ANKS6: variants seen among roughly 807,000 people sequenced by gnomAD.
The protein encoded by ANKS6 is ankyrin repeat and sterile alpha motif domain containing 6.
ANKS6 carries 47 observed loss-of-function variants against 77.9 expected under a neutral mutation model. That is an observed-to-expected ratio of 0.60 (90% confidence interval 0.48 to 0.77). ANKS6 has a LOEUF of 0.77. Among genes scored for constraint, ANKS6 ranks in the 30% least tolerant of loss-of-function variants. ANKS6 has a pLI of 0.00. For synonymous variants in ANKS6, 488 were observed against 501.7 expected, an observed-to-expected ratio of 0.97 and a Z score of 0.37; for missense variants, 1,150 against 1,159.1, an observed-to-expected ratio of 0.99 and a Z score of 0.11.
chr9:98,781,340 T>C (rs1184461778), intron 5 of ANKS6, among the ~76,000 whole-genome samples: 3 of 152,144 alleles, frequency 2.0e-5, no homozygotes, highest in African/African-American at 7.2e-5. Flanking sequence ...TAAACGGCAG[T>C]GGAGGCTAGG....
rs147463684 is a variant in ANKS6, at chr9:98,759,988, C to T, written c.2143-3385G>A. On this transcript the variant is annotated intron_variant, in intron 11 of 14. Coordinates refer to ENST00000353234, the MANE Select transcript of ANKS6 (RefSeq NM_173551.5). ...GCTAGAAGGAGGATATTGAATCTTCCCAACACAAAGAAATAATAAATGTCT... is the reference window on the plus strand; with the variant it reads ...GCTAGAAGGAGGATATTGAATCTTCTCAACACAAAGAAATAATAAATGTCT... 2.0e-5 allele frequency among the ~76,000 whole-genome samples: 3 copies of T among 151,994 alleles called. No homozygotes were observed. The East Asian group carries it at 5.8e-4, about 29-fold the overall frequency.
At chr9:98,746,811 G>A (rs1266367761) in intron 13 of ANKS6, among the ~76,000 whole-genome samples, 3 of 152,132 alleles carry the variant, frequency 2.0e-5, no homozygotes, top group South Asian at 2.1e-4. Context: ...TCCCCAGTCC[G>A]GGCCCTTCCC....
chr9:98,738,568 C>CAA (rs1342888637), intron 14 of ANKS6, among the ~76,000 whole-genome samples: 21 of 115,984 alleles, frequency 1.8e-4, no homozygotes, highest in African/African-American at 6.3e-4. Context: ...ATGGCCATAA[C>CAA]AAAAAAATAA....
rs1835187295 is a variant in ANKS6 at position 98,796,507 on chromosome 9, C to G, written c.-16G>C. Reference sequence around the variant, plus strand: ...CCTCGCCCATCGCCGCCGCCACGCGCGGCCCGCTCCCGTCCGCCCCGCCGG... The same window carrying G: ...CCTCGCCCATCGCCGCCGCCACGCGGGGCCCGCTCCCGTCCGCCCCGCCGG... On this transcript the variant is annotated 5_prime_UTR_variant, in exon 1 of 15. Coordinates refer to ENST00000353234, the MANE Select transcript of ANKS6 (RefSeq NM_173551.5). 2 of 986,678 alleles carry G rather than the reference C, an allele frequency of 2.0e-6. No homozygotes were observed. Among genetic ancestry groups the G allele is most frequent in the East Asian group, 1.1e-4 (1 of 8,978 alleles). The allele number at this position is 986,678 out of a possible 1,614,324, so 61.1% of individuals were successfully genotyped here. A position where few individuals can be genotyped will look rare whatever the true frequency, so the allele number is the denominator to read the frequency against.
intron 2 of ANKS6, among the ~76,000 whole-genome samples, chr9:98,785,611 C>T (rs1191117189): frequency 6.6e-6 from 1 of 152,182 alleles, no homozygotes; most frequent in African/African-American, 2.4e-5. Context: ...CCAGCAGGTA[C>T]CCCATTCCTG....
chr9:98,765,823 A>G (rs1319234605), intron 11 of ANKS6, among the ~76,000 whole-genome samples: 1 of 152,202 alleles, frequency 6.6e-6, no homozygotes, highest in Non-Finnish European at 1.5e-5. Context: ...CATTACAGCG[A>G]GTTATTTTAA....
intron 1 of ANKS6, chr9:98,795,926 A>T (rs1835148893): frequency 2.0e-6 from 1 of 507,562 alleles, no homozygotes; most frequent in East Asian, 3.7e-5. Context: ...GAAAGGCCAA[A>T]ATTTCTAAGA....
chr9:98,762,871 T>C (rs762843863), intron 11 of ANKS6, among the ~76,000 whole-genome samples: 21 of 152,216 alleles, frequency 1.4e-4, no homozygotes, highest in Non-Finnish European at 2.8e-4. Context: ...AATGCATCCT[T>C]GTTCCCAATC....
At chr9:98,744,400 C>T (rs1169435275) in intron 14 of ANKS6, among the ~76,000 whole-genome samples, 1 of 152,120 alleles carries the variant, frequency 6.6e-6, no homozygotes. Flanking sequence ...TTAGCGTCTC[C>T]CTCCACTGCC....
chr9:98,734,954 A>G lies in ANKS6; in HGVS notation c.*1565T>C. 1 of 985,468 alleles carries G rather than the reference A, an allele frequency of 1.0e-6. No homozygotes were observed. Among genetic ancestry groups the G allele is most frequent in the African/African-American group, 1.7e-5 (1 of 57,350 alleles). 61.0% of individuals were successfully genotyped at this position (985,468 alleles called of 1,614,324 possible). A position where few individuals can be genotyped will look rare whatever the true frequency, so the allele number is the denominator to read the frequency against. On this transcript the variant is annotated 3_prime_UTR_variant, in exon 15 of 15. Coordinates refer to ENST00000353234, the MANE Select transcript of ANKS6 (RefSeq NM_173551.5). ...AAACACCCAACCATCAGGGCAGGGG[A>G]AGAAAACTACGAGGCTCTGGGCAGT...
At chr9:98,781,902 T>A (rs1834285772) in intron 5 of ANKS6, among the ~76,000 whole-genome samples, 1 of 152,116 alleles carries the variant, frequency 6.6e-6, no homozygotes. Flanking sequence ...CCTTTCCCCT[T>A]GAGCTGGCTA....
At chr9:98,751,188 C>T in intron 12 of ANKS6, 92 bp from the exon 13 acceptor site, 1 of 1,011,180 alleles carries the variant, frequency 9.9e-7, no homozygotes, top group South Asian at 1.5e-5. Context: ...AATCTTATTT[C>T]AAATGAAATT....
At position 98,740,669 on chromosome 9, in the gene ANKS6, G is replaced by A. The variant is rs186804927; in HGVS notation, c.2512-4046C>T. 2.0e-5 allele frequency among the ~76,000 whole-genome samples: 3 copies of A among 152,332 alleles called. No individual in the cohort carries two copies. In the East Asian group the frequency reaches 5.8e-4, roughly 29 times the overall value. ...CCCTCGCTGCCTGCTAACCTTAGGA[G>A]GGAGCTGTAGATGATTAAAACCATA... On this transcript the variant is annotated intron_variant, in intron 14 of 14. Coordinates refer to ENST00000353234, the MANE Select transcript of ANKS6 (RefSeq NM_173551.5).
chr9:98,771,351 C>T (rs1423138410), intron 9 of ANKS6, among the ~76,000 whole-genome samples: 1 of 152,354 alleles, frequency 6.6e-6, no homozygotes, highest in East Asian at 1.9e-4. Flanking sequence ...TATTCACTGA[C>T]AACCCACGGA....
intron 5 of ANKS6, among the ~76,000 whole-genome samples, chr9:98,781,063 C>T (rs1834222772): frequency 1.3e-5 from 2 of 152,148 alleles, no homozygotes; most frequent in South Asian, 2.1e-4. Flanking sequence ...TCATGCCTGG[C>T]TAATTTTTGT....
rs1375528322 is a variant in ANKS6 at position 98,796,315 on chromosome 9, G to A, written c.177C>T (p.Ala59=). 2.3e-5 allele frequency: 28 copies of A among 1,230,308 alleles called. No individual in the cohort carries two copies. Among genetic ancestry groups the A allele is most frequent in the Non-Finnish European group, 2.7e-5 (27 of 987,402 alleles). 76.2% of individuals were successfully genotyped at this position (1,230,308 alleles called of 1,614,324 possible). The change falls in exon 1 of 15, where the codon GCC becomes GCT. Residue 59 remains alanine (A), a synonymous_variant. Coordinates refer to ENST00000353234, the MANE Select transcript of ANKS6 (RefSeq NM_173551.5). ...GAGCCCCGACTGCCCCCGCCGCTGC[G>A]GCCCCGGGCCCGGCCACCTCGGCCC... ...PAGAEVAGPG[A]AAAGAVGAPV...
chr9:98,783,523 G>C (rs1288265387), intron 4 of ANKS6: 1 of 153,668 alleles, frequency 6.5e-6, no homozygotes, highest in Admixed American at 6.5e-5. Context: ...TTCAAAAGGA[G>C]AGGGGTAGGA....
intron 7 of ANKS6, among the ~76,000 whole-genome samples, 153 bp from the exon 8 acceptor site, chr9:98,777,607 A>C (rs1481257001): frequency 6.6e-6 from 1 of 152,202 alleles, no homozygotes; most frequent in East Asian, 1.9e-4. Context: ...AATAGAAGGA[A>C]GGCATTTAAA....
In ANKS6 at chr9:98,736,012, A is replaced by C; in HGVS notation, c.*507T>G. 3.3e-6 allele frequency: 4 copies of C among 1,212,716 alleles called. No homozygotes were observed. Among genetic ancestry groups the C allele is most frequent in the Non-Finnish European group, 4.1e-6 (4 of 976,442 alleles). The allele number at this position is 1,212,716 out of a possible 1,614,324, so 75.1% of individuals were successfully genotyped here. On this transcript the variant is annotated 3_prime_UTR_variant, in exon 15 of 15. Coordinates refer to ENST00000353234, the MANE Select transcript of ANKS6 (RefSeq NM_173551.5). The stretch of plus-strand genomic sequence containing the variant: ...CACCATAATACATACCCCCCATCTA[A>C]GTCAAAAGTTGTTGCTGGGAAGCCA...
Sources: allele counts gnomAD v4.1 joint callset (sites outside exome capture counted in the v4.1 genomes callset), GRCh38; gene constraint gnomAD v4.1.1; transcripts MANE v1.5; gene names NCBI Gene and HGNC (gene_info 2026-07-23, HGNC 2026-07-21).